The following MAD1L1 variants were observed in gnomAD, a reference collection of about 807,000 sequenced individuals.
MAD1L1 encodes the protein mitotic spindle assembly checkpoint protein MAD1.
In MAD1L1, 95 loss-of-function variants were observed where a neutral mutation model predicts 96.9. The ratio of observed to expected loss-of-function variants is 0.98; its 90% CI spans 0.83 to 1.16. The LOEUF (loss-of-function observed/expected upper bound fraction) is 1.16. Ranked by LOEUF, MAD1L1 falls within the 50% of genes most tolerant of loss-of-function variation. MAD1L1 has a pLI of 0.00. For synonymous variants in MAD1L1, 473 were observed against 396.6 expected, an observed-to-expected ratio of 1.19 and a Z score of -2.29; for missense variants, 1,007 against 954.4, an observed-to-expected ratio of 1.06 and a Z score of -0.73.
At chr7:1,966,063 C>T (rs771146665) in intron 15 of MAD1L1, among the ~76,000 whole-genome samples, 11 of 152,228 alleles carry the variant, frequency 7.2e-5, no homozygotes, top group Non-Finnish European at 8.8e-5. Flanking sequence ...GGGTCCCATC[C>T]ACACTGGCCT....
intron 15 of MAD1L1, among the ~76,000 whole-genome samples, chr7:1,979,568 T>C (rs2128483372): frequency 6.6e-6 from 1 of 152,330 alleles, no homozygotes; most frequent in African/African-American, 2.4e-5. Context: ...ACCTCTTGCC[T>C]GAGGACCCTG....
At chr7:1,873,699 C>A (rs555270094) in intron 18 of MAD1L1, among the ~76,000 whole-genome samples, 2 of 152,104 alleles carry the variant, frequency 1.3e-5, no homozygotes, top group Non-Finnish European at 2.9e-5. Flanking sequence ...GGAGTGGGCA[C>A]CCCGGGTGCA....
intron 18 of MAD1L1, chr7:1,848,393 C>A (rs1215912076): frequency 6.5e-6 from 1 of 153,586 alleles, no homozygotes; most frequent in African/African-American, 2.4e-5. Context: ...GTTTCCGGCT[C>A]CATTTGAATA....
chr7:2,030,882 T>C (rs7778752), intron 12 of MAD1L1, among the ~76,000 whole-genome samples: 108,712 of 152,084 alleles, frequency 0.71, 39,446 homozygotes, highest in African/African-American at 0.83. Context: ...GATGATACCA[T>C]GTCTCTCCCT....
chr7:2,093,898 G>A (rs1786342687), intron 11 of MAD1L1, among the ~76,000 whole-genome samples: 1 of 152,242 alleles, frequency 6.6e-6, no homozygotes, highest in Non-Finnish European at 1.5e-5. Flanking sequence ...AGGTGACGAT[G>A]TCAGGTCGGC....
intron 18 of MAD1L1, among the ~76,000 whole-genome samples, chr7:1,840,397 T>C (rs966281539): frequency 3.3e-5 from 5 of 152,304 alleles, no homozygotes; most frequent in African/African-American, 9.6e-5. Context: ...AATCGGGCTG[T>C]ACAAGTATCT....
At chr7:1,941,926 G>GT (rs1779020449) in intron 16 of MAD1L1, among the ~76,000 whole-genome samples, 1 of 152,174 alleles carries the variant, frequency 6.6e-6, no homozygotes, top group Admixed American at 6.5e-5. Flanking sequence ...TCGTCTTTCT[G>GT]TAAGTTCAGG....
chr7:1,910,680 C>T (rs1364842784), intron 17 of MAD1L1, among the ~76,000 whole-genome samples: 2 of 152,266 alleles, frequency 1.3e-5, no homozygotes, highest in Non-Finnish European at 2.9e-5. Flanking sequence ...CGTGTCCTGG[C>T]CTCTCTTCCA....
chr7:1,821,874 G>A (rs1360606576), intron 18 of MAD1L1, among the ~76,000 whole-genome samples: 2 of 152,296 alleles, frequency 1.3e-5, no homozygotes, highest in Admixed American at 6.5e-5. Context: ...GCGGAGAGCT[G>A]GCTTTCCCCA....
chr7:2,213,333 A>C, intron 9 of MAD1L1, 60 bp from the exon 10 acceptor site: 1 of 1,477,462 alleles, frequency 6.8e-7, no homozygotes. Context: ...ATCACATAAG[A>C]CTGACAATCA....
intron 17 of MAD1L1, among the ~76,000 whole-genome samples, chr7:1,912,908 C>T (rs1474809500): frequency 2.0e-5 from 3 of 150,272 alleles, no homozygotes; most frequent in South Asian, 2.1e-4. Context: ...GACGTGGGGG[C>T]GGGGCTGTGT....
chr7:1,963,517 T>G (rs1197290744), intron 15 of MAD1L1, among the ~76,000 whole-genome samples: 1 of 152,164 alleles, frequency 6.6e-6, no homozygotes. Context: ...GGTGTATGTG[T>G]GTGTACATGC....
At chr7:1,929,293 C>G (rs1028697091) in intron 17 of MAD1L1, among the ~76,000 whole-genome samples, 5 of 152,206 alleles carry the variant, frequency 3.3e-5, no homozygotes, top group African/African-American at 1.2e-4. Flanking sequence ...TGTGCCCACA[C>G]AGGCAGTGAC....
chr7:2,171,957 C>G (rs74545244), intron 10 of MAD1L1, among the ~76,000 whole-genome samples: 1 of 152,042 alleles, frequency 6.6e-6, no homozygotes, highest in Non-Finnish European at 1.5e-5. Flanking sequence ...CTCATCACCA[C>G]GAGGCCTAAG....
At position 2,116,573 on chromosome 7, in the gene MAD1L1, G is replaced by T. The variant is rs563759892; in HGVS notation, c.1073+32579C>A. On this transcript the variant is annotated intron_variant, in intron 11 of 18. Coordinates refer to ENST00000265854, the MANE Select transcript of MAD1L1 (RefSeq NM_001013836.2). ...ACGTGGCAGGCCAGAGGGTTGGGGG[G>T]GGGGGGGGCTCCTGTGTGTACACAG... is the stretch of plus-strand genomic sequence containing the variant. 7.3e-5 allele frequency among the ~76,000 whole-genome samples: 11 copies of T among 150,968 alleles called. 1 individual carries two copies. In the East Asian group the frequency reaches 9.7e-4, roughly 13 times the overall value.
chr7:2,022,754 A>G (rs1221761277), intron 12 of MAD1L1, among the ~76,000 whole-genome samples: 2 of 152,186 alleles, frequency 1.3e-5, no homozygotes, highest in African/African-American at 4.8e-5. Context: ...AAACACACCA[A>G]TTAAAAGACG....
At chr7:2,225,704 G>A (rs1054819197) in intron 3 of MAD1L1, 154 bp from the exon 4 acceptor site, 1 of 779,232 alleles carries the variant, frequency 1.3e-6, no homozygotes, top group Non-Finnish European at 2.0e-6. Flanking sequence ...TCCAGGCTGG[G>A]GAACAGGGGA....
At chr7:2,138,007 C>T (rs1788836400) in intron 11 of MAD1L1, among the ~76,000 whole-genome samples, 1 of 152,246 alleles carries the variant, frequency 6.6e-6, no homozygotes, top group South Asian at 2.1e-4. Flanking sequence ...CTGAAGTTCA[C>T]AGGGCGTTTC....
chr7:2,026,437 T>C (rs948615379), intron 12 of MAD1L1, among the ~76,000 whole-genome samples: 1 of 152,174 alleles, frequency 6.6e-6, no homozygotes, highest in African/African-American at 2.4e-5. Flanking sequence ...AAGAATAAGA[T>C]TAACAAATGA....
Sources: gnomAD v4.1 joint callset for allele counts (sites outside exome capture counted in the v4.1 genomes callset) on GRCh38, gnomAD v4.1.1 for gene constraint, MANE v1.5 for transcripts, NCBI Gene and HGNC (gene_info 2026-07-23, HGNC 2026-07-21) for gene names.